EYS: variants seen among roughly 807,000 people sequenced by gnomAD.
EYS encodes protein eyes shut homolog.
In EYS, 250 loss-of-function variants were observed where a neutral mutation model predicts 282.1. The ratio of observed to expected loss-of-function variants is 0.89; its 90% CI spans 0.80 to 0.98. The LOEUF is 0.98. Among genes scored for constraint, EYS ranks in the 50% least tolerant of loss-of-function variants. EYS has a pLI of 0.00. For missense variants in EYS, 4,016 were observed against 3,709.0 expected, an observed-to-expected ratio of 1.08 and a Z score of -2.15; for synonymous variants, 1,355 against 1,282.9, an observed-to-expected ratio of 1.06 and a Z score of -1.20.
At chr6:65,036,487 CTTAA>C (rs1772775653) in intron 13 of EYS, among the ~76,000 whole-genome samples, 1 of 151,494 alleles carries the variant, frequency 6.6e-6, no homozygotes. Context: ...ACAAATGGCA[CTTAA>C]TTAAAGAGGA....
intron 12 of EYS, among the ~76,000 whole-genome samples, chr6:65,148,378 C>T (rs1764529830): frequency 6.6e-6 from 1 of 152,068 alleles, no homozygotes; most frequent in Non-Finnish European, 1.5e-5. Context: ...TTCTGAAATC[C>T]AATAGAACAG....
At chr6:65,161,271 A>G (rs934679900) in intron 12 of EYS, among the ~76,000 whole-genome samples, 1 of 150,920 alleles carries the variant, frequency 6.6e-6, no homozygotes, top group Non-Finnish European at 1.5e-5. Flanking sequence ...GTTTCTTTCT[A>G]TGTGATATTG....
At position 65,463,884 on chromosome 6, in the gene EYS, A is replaced by G. The variant is rs546059053; in HGVS notation, c.862+26710T>C. ...TCATCACCAAGGTCTGACTGCAAAA[A>G]TTCAAAAAATTGCAACCTCAGGCAT... On this transcript the variant is annotated intron_variant, in intron 5 of 42. Coordinates refer to ENST00000503581, the MANE Select transcript of EYS (RefSeq NM_001142800.2). Among the ~76,000 whole-genome samples, 3 of 152,234 alleles carry G rather than the reference A, an allele frequency of 2.0e-5. No homozygotes were observed. In the East Asian group the frequency reaches 5.8e-4, roughly 29 times the overall value.
chr6:64,840,625 G>A (rs768984346), intron 19 of EYS, among the ~76,000 whole-genome samples: 39 of 152,142 alleles, frequency 2.6e-4, no homozygotes, highest in Admixed American at 1.1e-3. Context: ...CTCATTGCTC[G>A]TTGAGAACTA....
intron 16 of EYS, among the ~76,000 whole-genome samples, chr6:64,906,204 A>T (rs896245368): frequency 6.6e-5 from 10 of 151,794 alleles, no homozygotes; most frequent in South Asian, 6.2e-4. Flanking sequence ...AAAACTATGA[A>T]ATATGAATAT....
At chr6:64,131,757 A>G (rs1004720870) in intron 31 of EYS, among the ~76,000 whole-genome samples, 3 of 152,274 alleles carry the variant, frequency 2.0e-5, no homozygotes, top group South Asian at 2.1e-4. Flanking sequence ...AAAAGCATGG[A>G]TTCGATTTTC....
chr6:64,381,194 G>A (rs986509761), intron 29 of EYS, among the ~76,000 whole-genome samples: 1 of 151,886 alleles, frequency 6.6e-6, no homozygotes, highest in Admixed American at 6.6e-5. Flanking sequence ...TTATACTAAC[G>A]GTTCTTTATA....
intron 35 of EYS, among the ~76,000 whole-genome samples, chr6:63,956,474 G>A (rs1033542985): frequency 5.9e-5 from 9 of 152,202 alleles, no homozygotes; most frequent in South Asian, 2.1e-4. Flanking sequence ...AAGCTTTATC[G>A]CTCACACAAA....
intron 11 of EYS, among the ~76,000 whole-genome samples, chr6:65,305,402 C>G (rs1768977011): frequency 6.6e-6 from 1 of 152,170 alleles, no homozygotes; most frequent in South Asian, 2.1e-4. Flanking sequence ...AAATTTTATG[C>G]TACCACTAAA....
At chr6:65,152,221 A>C (rs1001692961) in intron 12 of EYS, among the ~76,000 whole-genome samples, 2 of 151,942 alleles carry the variant, frequency 1.3e-5, no homozygotes, top group East Asian at 3.9e-4. Flanking sequence ...GCATTCTGTT[A>C]GATAATTATG....
chr6:64,328,545 G>A (rs971468394), intron 29 of EYS, among the ~76,000 whole-genome samples: 2 of 152,216 alleles, frequency 1.3e-5, no homozygotes, highest in Non-Finnish European at 2.9e-5. Context: ...CACACCATTT[G>A]ACCCAGAGGC....
At chr6:65,599,956 T>A (rs1765558923) in intron 2 of EYS, among the ~76,000 whole-genome samples, 1 of 152,102 alleles carries the variant, frequency 6.6e-6, no homozygotes, top group South Asian at 2.1e-4. Context: ...TGTTGACATC[T>A]GCTAGTGATC....
intron 5 of EYS, among the ~76,000 whole-genome samples, chr6:65,461,975 G>T (rs190704148): frequency 6.6e-6 from 1 of 152,010 alleles, no homozygotes; most frequent in African/African-American, 2.4e-5. Flanking sequence ...TTACTCTAGA[G>T]AATGAAACAT....
At chr6:63,958,723 A>G (rs1055104668) in intron 35 of EYS, among the ~76,000 whole-genome samples, 7 of 152,210 alleles carry the variant, frequency 4.6e-5, no homozygotes, top group Non-Finnish European at 1.0e-4. Context: ...GATGCAGCTA[A>G]TGACTTTAAG....
At chr6:64,536,665 C>T (rs1764528141) in intron 26 of EYS, among the ~76,000 whole-genome samples, 1 of 151,804 alleles carries the variant, frequency 6.6e-6, no homozygotes, top group African/African-American at 2.4e-5. Flanking sequence ...GTGAATGGAA[C>T]CATTCATATA....
At chr6:65,343,224 A>G (rs1770263701) in intron 10 of EYS, among the ~76,000 whole-genome samples, 1 of 151,310 alleles carries the variant, frequency 6.6e-6, no homozygotes, top group African/African-American at 2.4e-5. Flanking sequence ...CAGTTTTTAC[A>G]AGGTTGACTC....
chr6:64,719,645 A>G (rs1008187434), intron 22 of EYS, among the ~76,000 whole-genome samples: 2 of 152,126 alleles, frequency 1.3e-5, no homozygotes, highest in African/African-American at 4.8e-5. Flanking sequence ...AACTTTGTTA[A>G]ATATTTGTAT....
At position 64,083,724 on chromosome 6, in the gene EYS, A is replaced by G. The variant is rs796291965; in HGVS notation, c.6425-1722T>C. 9.2e-5 allele frequency among the ~76,000 whole-genome samples: 14 copies of G among 152,332 alleles called. 1 individual carries two copies. The highest frequency in any genetic ancestry group is 3.4e-4 in the African/African-American group (14 of 41,566). ...TAAATTCAAATTTCAGATAAATAAC[A>G]AATAAGTTTTTTGTTGTTATTTGTT... On this transcript the variant is annotated intron_variant, in intron 31 of 42. Transcript: ENST00000503581.
chr6:64,491,320 T>C (rs1410059763), intron 26 of EYS, among the ~76,000 whole-genome samples: 1 of 151,038 alleles, frequency 6.6e-6, no homozygotes. Flanking sequence ...TTTCTGACCA[T>C]CTTATCTTAG....
Sources: allele counts gnomAD v4.1 joint callset (sites outside exome capture counted in the v4.1 genomes callset), GRCh38; gene constraint gnomAD v4.1.1; transcripts MANE v1.5; gene names NCBI Gene and HGNC (gene_info 2026-07-23, HGNC 2026-07-21).